Variants in ETV6 observed in about 807,000 individuals in gnomAD.
The protein encoded by ETV6 is ETS variant transcription factor 6.
In ETV6, 16 loss-of-function variants were observed where a neutral mutation model predicts 51.1. The observed-to-expected ratio is 0.31, with a 90% confidence interval of 0.21 to 0.48. ETV6 has a LOEUF of 0.48. Ranked by LOEUF, ETV6 falls within the 20% of genes least tolerant of loss-of-function variation. ETV6 has a pLI of 0.99. For synonymous variants in ETV6, 240 were observed against 224.1 expected (o/e 1.07, Z -0.64); for missense variants, 458 against 594.8 (o/e 0.77, Z 2.39).
intron 1 of ETV6, among the ~76,000 whole-genome samples, chr12:11,677,279 C>T (rs1310740334): frequency 6.6e-6 from 1 of 152,226 alleles, no homozygotes; most frequent in Non-Finnish European, 1.5e-5. Context: ...CTCCTCCCTC[C>T]TCCTGCCTCT....
intron 2 of ETV6, among the ~76,000 whole-genome samples, chr12:11,756,993 G>A (rs1945017347): frequency 6.6e-6 from 1 of 152,078 alleles, no homozygotes; most frequent in Non-Finnish European, 1.5e-5. Context: ...TGTCCATTTG[G>A]CCTTCTAAAA....
At chr12:11,799,545 C>T (rs779150899) in intron 2 of ETV6, among the ~76,000 whole-genome samples, 1 of 151,964 alleles carries the variant, frequency 6.6e-6, no homozygotes, top group Non-Finnish European at 1.5e-5. Context: ...TTCATGTGAC[C>T]CTAAAAGCAT....
rs533592167 is a variant in ETV6 at position 11,758,029 on chromosome 12, G to A, written c.163+5450G>A. On this transcript the variant is annotated intron_variant, in intron 2 of 7. Coordinates refer to ENST00000396373, the MANE Select transcript of ETV6 (RefSeq NM_001987.5). ...AGGCCCTGATGGGCCAGCTCTGAGAGTGGGCTCAATCCAGTACCCAATTCC... is the reference window on the plus strand; with the variant it reads ...AGGCCCTGATGGGCCAGCTCTGAGAATGGGCTCAATCCAGTACCCAATTCC... Among the ~76,000 whole-genome samples, 5 of 152,340 alleles carry A rather than the reference G, an allele frequency of 3.3e-5. No homozygotes were observed. The South Asian group carries it at 1.0e-3, about 32-fold the overall frequency.
intron 2 of ETV6, among the ~76,000 whole-genome samples, chr12:11,829,748 G>A (rs1021095323): frequency 1.3e-5 from 2 of 152,220 alleles, no homozygotes; most frequent in African/African-American, 4.8e-5. Context: ...TGAACATAGA[G>A]TGTTCTTGTT....
At chr12:11,758,413 G>T (rs1031657589) in intron 2 of ETV6, among the ~76,000 whole-genome samples, 1 of 152,198 alleles carries the variant, frequency 6.6e-6, no homozygotes, top group Non-Finnish European at 1.5e-5. Flanking sequence ...AAGCAGACAT[G>T]TCGTTGTCTG....
chr12:11,730,725 C>T (rs1865577977), intron 1 of ETV6, among the ~76,000 whole-genome samples: 1 of 152,222 alleles, frequency 6.6e-6, no homozygotes, highest in South Asian at 2.1e-4. Flanking sequence ...TGATTTTCCT[C>T]TTTTGCTTTG....
At chr12:11,827,060 GAA>G (rs1323573043) in intron 2 of ETV6, among the ~76,000 whole-genome samples, 1 of 141,362 alleles carries the variant, frequency 7.1e-6, no homozygotes, top group African/African-American at 2.7e-5. Context: ...AGAATAGAGA[GAA>G]GTCTGTCTCA....
intron 7 of ETV6, among the ~76,000 whole-genome samples, chr12:11,888,748 G>A (rs549133095): frequency 1.3e-5 from 2 of 152,270 alleles, no homozygotes; most frequent in African/African-American, 4.8e-5. Context: ...TGTTGCCCAG[G>A]CTAGAGTGCA....
intron 2 of ETV6, among the ~76,000 whole-genome samples, chr12:11,838,060 T>C (rs2136462037): frequency 6.6e-6 from 1 of 152,362 alleles, no homozygotes; most frequent in East Asian, 1.9e-4. Flanking sequence ...AAGAGTAGCA[T>C]TGTTACACAT....
intron 2 of ETV6, 40 bp from the exon 3 acceptor site, chr12:11,839,100 C>G: frequency 6.3e-7 from 1 of 1,593,240 alleles, no homozygotes; most frequent in Non-Finnish European, 8.6e-7. Flanking sequence ...ACTGACAAGA[C>G]CTTTCTCTCT....
intron 2 of ETV6, among the ~76,000 whole-genome samples, chr12:11,768,445 T>A (rs1175798905): frequency 6.6e-6 from 1 of 152,172 alleles, no homozygotes; most frequent in African/African-American, 2.4e-5. Context: ...GGTAAGTAAT[T>A]GGGTCAAGGC....
chr12:11,705,696 C>T (rs983310357), intron 1 of ETV6, among the ~76,000 whole-genome samples: 1 of 152,138 alleles, frequency 6.6e-6, no homozygotes, highest in African/African-American at 2.4e-5. Flanking sequence ...CATTATTTTT[C>T]GGGCATTTGA....
intron 1 of ETV6, among the ~76,000 whole-genome samples, chr12:11,736,936 C>T (rs530292571): frequency 3.3e-5 from 5 of 152,310 alleles, no homozygotes; most frequent in African/African-American, 1.2e-4. Context: ...GTGTCCAGTG[C>T]AAGCTCTGTT....
In ETV6 at chr12:11,820,171, G is replaced by T. The variant is rs116747689; in HGVS notation, c.164-18969G>T. On this transcript the variant is annotated intron_variant, in intron 2 of 7. Coordinates refer to ENST00000396373, the MANE Select transcript of ETV6 (RefSeq NM_001987.5). Reference sequence around the variant, plus strand: ...CAGAAAGGTAAGGCACCTTGCACAAGGTCACACAGCTAGGAAGTGGGAGAA... The same window carrying T: ...CAGAAAGGTAAGGCACCTTGCACAATGTCACACAGCTAGGAAGTGGGAGAA... Among the ~76,000 whole-genome samples, 771 of 152,328 alleles carry T rather than the reference G, an allele frequency of 5.1e-3. 10 individuals are homozygous for T. Among genetic ancestry groups the T allele is most frequent in the African/African-American group, 0.017 (712 of 41,572 alleles).
At chr12:11,855,513 G>C (rs980774292) in intron 4 of ETV6, among the ~76,000 whole-genome samples, 1 of 152,174 alleles carries the variant, frequency 6.6e-6, no homozygotes, top group Non-Finnish European at 1.5e-5. Context: ...CTCAAACCCT[G>C]GTCCCTTGGG....
chr12:11,733,407 C>CAAA (rs11394100), intron 1 of ETV6, among the ~76,000 whole-genome samples: 55 of 100,884 alleles, frequency 5.5e-4, no homozygotes, highest in East Asian at 1.4e-3. Flanking sequence ...GACTCCATCT[C>CAAA]AAAAAAAAAA....
intron 1 of ETV6, among the ~76,000 whole-genome samples, chr12:11,694,804 A>G (rs542847480): frequency 6.6e-6 from 1 of 152,280 alleles, no homozygotes; most frequent in South Asian, 2.1e-4. Context: ...TTGGAATAAG[A>G]CGTTCTTTTC....
intron 2 of ETV6, among the ~76,000 whole-genome samples, chr12:11,805,080 G>A (rs1945810344): frequency 6.6e-6 from 1 of 152,160 alleles, no homozygotes; most frequent in Non-Finnish European, 1.5e-5. Context: ...CTGCAAGGAG[G>A]TGCAGGTTGC....
intron 1 of ETV6, among the ~76,000 whole-genome samples, chr12:11,709,203 T>C (rs1326063148): frequency 2.0e-5 from 3 of 152,196 alleles, no homozygotes; most frequent in Non-Finnish European, 4.4e-5. Context: ...ATGACTGATA[T>C]TGATACCCTA....
Sources: allele counts gnomAD v4.1 joint callset (sites outside exome capture counted in the v4.1 genomes callset), GRCh38; gene constraint gnomAD v4.1.1; transcripts MANE v1.5; gene names NCBI Gene and HGNC (gene_info 2026-07-23, HGNC 2026-07-21).